The following BTNL9 variants were observed in gnomAD, a reference collection of about 807,000 sequenced individuals.
The protein encoded by BTNL9 is butyrophilin like 9, also known as butyrophilin-like protein 9.
A neutral mutation model predicts 45.8 loss-of-function variants in BTNL9; 45 were observed. The observed-to-expected ratio is 0.98, with a 90% CI of 0.77 to 1.26. The LOEUF is 1.26. Among genes scored for constraint, BTNL9 ranks in the 50% most tolerant of loss-of-function variants. The pLI, the probability that BTNL9 is intolerant of heterozygous loss-of-function variation, is 0.00. For missense variants in BTNL9, 784 were observed against 729.7 expected (o/e 1.07, Z -0.86); for synonymous variants, 346 against 330.8 (o/e 1.05, Z -0.50).
intron 1 of BTNL9, 86 bp from the exon 2 acceptor site, chr5:181,045,381 C>A (rs950480906): frequency 3.7e-5 from 27 of 724,204 alleles, no homozygotes; most frequent in Non-Finnish European, 6.1e-5. Context: ...ATAACTGAGG[C>A]CACAACAGAC....
intron 7 of BTNL9, chr5:181,054,857 C>G: frequency 2.0e-6 from 2 of 985,470 alleles, no homozygotes; most frequent in Non-Finnish European, 2.4e-6. Flanking sequence ...GTCATTAAGG[C>G]TATAGTCTGA....
Position 181,053,761 on chromosome 5 carries a change from C to G in BTNL9, c.886+260C>G. On this transcript the variant is annotated intron_variant, in intron 6 of 10. Transcript: ENST00000327705. The surrounding 1 kb of genome is among the most constrained non-coding windows in gnomAD (Gnocchi z 6.5). ...TGACCGGCTGCTGTCGTTACGCCCTCGGAGCTTCACATCACACTGTACAGA... is the reference window on the plus strand; with the variant it reads ...TGACCGGCTGCTGTCGTTACGCCCTGGGAGCTTCACATCACACTGTACAGA... The G allele has an allele frequency of 6.6e-7, 1 of 1,515,024 alleles. No homozygotes were observed. The highest frequency in any genetic ancestry group is 8.8e-7 in the Non-Finnish European group (1 of 1,133,242). 93.8% of individuals were successfully genotyped at this position (1,515,024 alleles called of 1,614,324 possible).
In BTNL9 at chr5:181,053,367, C is replaced by T. The variant is rs1250933318; in HGVS notation, c.853+51C>T. 9 of 1,515,840 alleles carry T rather than the reference C, an allele frequency of 5.9e-6. No homozygotes were observed. In the East Asian group the frequency reaches 7.5e-5, roughly 13 times the overall value. The allele number at this position is 1,515,840 out of a possible 1,614,324, so 93.9% of individuals were successfully genotyped here. A position where few individuals can be genotyped will look rare whatever the true frequency, so the allele number is the denominator to read the frequency against. ...GAGGGGCACCGGCCGGTGCTGAACC[C>T]CGGGGCCGCGGAGGCGCCTCCCCCC... On this transcript the variant is annotated intron_variant, in intron 5 of 10. Coordinates refer to ENST00000327705, the MANE Select transcript of BTNL9 (RefSeq NM_152547.5). This position sits in a 1 kb window ranked among gnomAD's most constrained non-coding sequence, Gnocchi z 6.5.
intron 4 of BTNL9, among the ~76,000 whole-genome samples, chr5:181,051,058 A>G (rs1213055887): frequency 2.0e-5 from 3 of 149,894 alleles, no homozygotes; most frequent in Non-Finnish European, 3.0e-5. Flanking sequence ...CAGCCTGGGC[A>G]ACAGAGCGAG....
chr5:181,047,696 C>T (rs1229415899), intron 2 of BTNL9, among the ~76,000 whole-genome samples: 1 of 152,218 alleles, frequency 6.6e-6, no homozygotes, highest in East Asian at 1.9e-4. Flanking sequence ...CAGTTACCAG[C>T]TCAGCACCAC....
chr5:181,058,739 A>T (rs1762007096), intron 10 of BTNL9, among the ~76,000 whole-genome samples: 1 of 151,916 alleles, frequency 6.6e-6, no homozygotes, highest in Admixed American at 6.6e-5. Flanking sequence ...GGGTGTTGAA[A>T]TGTGGGGCAC....
chr5:181,053,309 A>G lies in BTNL9; in HGVS notation c.846A>G (p.Arg282=). 1.3e-6 allele frequency: 2 copies of G among 1,566,226 alleles called. No individual in the cohort carries two copies. The highest frequency in any genetic ancestry group is 8.6e-7 in the Non-Finnish European group (1 of 1,158,632). The change falls in exon 5 of 11, where the codon AGA becomes AGG. Residue 282 remains arginine, a synonymous_variant. Transcript: ENST00000327705. This position sits in a 1 kb window ranked among gnomAD's most constrained non-coding sequence, Gnocchi z 6.5. ...LALGVLRKQR[R]SREKLRKQAE... is the part of the protein sequence containing the mutation. Reference sequence around the variant, plus strand: ...TGGGCGTCCTCCGGAAGCAGCGGAGAAGCCGAGGTACCGGCGCGGGCGGCG... The same window carrying G: ...TGGGCGTCCTCCGGAAGCAGCGGAGGAGCCGAGGTACCGGCGCGGGCGGCG...
Position 181,060,143 on chromosome 5 carries a change from G to A in BTNL9, c.*281G>A. ...CTGGGGTGCTCACGGTGGGCGGTGG[G>A]CAAGAAGCCAGCATGGAAGAAAGAA... On this transcript the variant is annotated 3_prime_UTR_variant, in exon 11 of 11. Coordinates refer to ENST00000327705, the MANE Select transcript of BTNL9 (RefSeq NM_152547.5). 1 of 423,792 alleles carries A rather than the reference G, an allele frequency of 2.4e-6. No individual in the cohort carries two copies. The highest frequency in any genetic ancestry group is 4.1e-6 in the Non-Finnish European group (1 of 241,328). 26.3% of individuals were successfully genotyped at this position (423,792 alleles called of 1,614,324 possible). A position where few individuals can be genotyped will look rare whatever the true frequency, so the allele number is the denominator to read the frequency against.
chr5:181,051,637 GCT>G (rs776238493), intron 4 of BTNL9, among the ~76,000 whole-genome samples: 1 of 152,138 alleles, frequency 6.6e-6, no homozygotes, highest in Non-Finnish European at 1.5e-5. Context: ...CCACGGCAGT[GCT>G]CTCTCTTTTA....
At chr5:181,047,124 G>C (rs961449885) in intron 2 of BTNL9, among the ~76,000 whole-genome samples, 1 of 152,134 alleles carries the variant, frequency 6.6e-6, no homozygotes, top group Non-Finnish European at 1.5e-5. Context: ...GAGAGGAGAA[G>C]TACAGAGGCC....
At position 181,060,507 on chromosome 5, in the gene BTNL9, TGAAC is replaced by T. The variant is rs1401060561; in HGVS notation, c.*646_*649del. On this transcript the variant is annotated 3_prime_UTR_variant, in exon 11 of 11. Coordinates refer to ENST00000327705, the MANE Select transcript of BTNL9 (RefSeq NM_152547.5). ...CTCACTGACCAATTGTGGGACAATT[TGAAC>T]ATCAGGATGAATAATGACAGGAGAG... 1 of 152,210 alleles carries T rather than the reference TGAAC, an allele frequency of 6.6e-6. No homozygotes were observed. The highest frequency in any genetic ancestry group is 1.5e-5 in the Non-Finnish European group (1 of 68,044). The allele number at this position is 152,210 out of a possible 1,614,324, so 9.4% of individuals were successfully genotyped here.
intron 9 of BTNL9, chr5:181,056,791 CAT>C: frequency 1.8e-6 from 1 of 567,132 alleles, no homozygotes; most frequent in Non-Finnish European, 3.1e-6. Context: ...GCCCACATCT[CAT>C]GTGAACCAGC....
intron 3 of BTNL9, among the ~76,000 whole-genome samples, chr5:181,049,204 A>G (rs1247592667): frequency 1.3e-5 from 2 of 152,014 alleles, no homozygotes; most frequent in East Asian, 3.9e-4. Flanking sequence ...CAGCAATCCC[A>G]CCTCCAGGAA....
chr5:181,058,311 G>A (rs1761985574), intron 9 of BTNL9, 41 bp from the exon 10 acceptor site: 1 of 1,612,998 alleles, frequency 6.2e-7, no homozygotes, highest in Admixed American at 1.7e-5. Context: ...GTTACTGACT[G>A]AGATTTCTGA....
rs532660575 is a variant in BTNL9 at position 181,040,625 on chromosome 5, C to G, written c.-24+193C>G. Among the ~76,000 whole-genome samples, 153 of 152,356 alleles carry G rather than the reference C, an allele frequency of 1.0e-3. 2 individuals are homozygous for G. The South Asian group carries it at 0.03, about 30-fold the overall frequency. Reference sequence around the variant, plus strand: ...ACGCCCGTTTAGGTGGGCCGCATCTCAGGAGGCAGGATCCTGATACATCCC... The same window carrying G: ...ACGCCCGTTTAGGTGGGCCGCATCTGAGGAGGCAGGATCCTGATACATCCC... On this transcript the variant is annotated intron_variant, in intron 1 of 10. Coordinates refer to ENST00000327705, the MANE Select transcript of BTNL9 (RefSeq NM_152547.5).
chr5:181,054,188 A>G (rs747817656), intron 6 of BTNL9, 51 bp from the exon 7 acceptor site: 12 of 1,607,518 alleles, frequency 7.5e-6, no homozygotes, highest in East Asian at 2.2e-5. Flanking sequence ...TCATTCCCCA[A>G]CCTGAGAGTC....
intron 1 of BTNL9, among the ~76,000 whole-genome samples, chr5:181,041,864 T>C (rs1760789912): frequency 6.6e-6 from 1 of 152,234 alleles, no homozygotes; most frequent in South Asian, 2.1e-4. Context: ...CAGAATAGTA[T>C]TTGACAGAAA....
chr5:181,048,206 C>T lies in BTNL9; in HGVS notation c.389C>T (p.Thr130Ile), dbSNP rs553308570. ...AGCATCATCCCCTCTGACAAGGGCA[C>T]ATATGGCTGCCGCTTCCACTCCGAC... is the stretch of plus-strand genomic sequence containing the variant. ...LHSIIPSDKG[T>I]YGCRFHSDNF... Residue 130 changes from threonine to isoleucine, a missense_variant, in exon 3 of 11, where the codon ACA becomes ATA. By Grantham distance (89) the Thr-to-Ile change is moderately conservative (BLOSUM62 -1). Coordinates refer to ENST00000327705, the MANE Select transcript of BTNL9 (RefSeq NM_152547.5). 5 of 1,613,096 alleles carry T rather than the reference C, an allele frequency of 3.1e-6. No homozygotes were observed. The African/African-American group carries it at 4.0e-5, about 13-fold the overall frequency.
chr5:181,059,627 G>A lies in BTNL9; in HGVS notation c.1373G>A (p.Gly458Glu), dbSNP rs773217170. 11 of 1,613,612 alleles carry A rather than the reference G, an allele frequency of 6.8e-6. No homozygotes were observed. Among genetic ancestry groups the A allele is most frequent in the Non-Finnish European group, 9.3e-6 (11 of 1,179,958 alleles). The change falls in exon 11 of 11, where the codon GGA becomes GAA. Residue 458 changes from glycine to glutamate, a missense_variant. Gly to Glu is a moderately conservative substitution (Grantham distance 98, BLOSUM62 -2). Coordinates refer to ENST00000327705, the MANE Select transcript of BTNL9 (RefSeq NM_152547.5). ...GGCGTCTTCCTGGACTACGAGGCCG[G>A]AGAGCTGTCCTTCTTCAACGTGTCC... Reference protein sequence around the residue: ...RLGVFLDYEAGELSFFNVSDG... With the variant: ...RLGVFLDYEAEELSFFNVSDG...
Sources: gnomAD v4.1 joint callset for allele counts (sites outside exome capture counted in the v4.1 genomes callset) on GRCh38, gnomAD v4.1.1 for gene constraint, Gnocchi (gnomAD v3.1) non-coding constraint, MANE v1.5 for transcripts, NCBI Gene and HGNC (gene_info 2026-07-23, HGNC 2026-07-21) for gene names.